The following NAAA variants were observed in gnomAD, a reference collection of about 807,000 sequenced individuals.
NAAA encodes N-acylethanolamine acid amidase, also known as N-acylethanolamine-hydrolyzing acid amidase.
NAAA carries 39 observed loss-of-function variants against 44.8 expected under a neutral mutation model. The ratio of observed to expected loss-of-function variants is 0.87; its 90% CI spans 0.67 to 1.14. The LOEUF (loss-of-function observed/expected upper bound fraction) is 1.14. Among genes scored for constraint, NAAA ranks in the 50% most tolerant of loss-of-function variants. The pLI, the probability that NAAA is intolerant of heterozygous loss-of-function variation, is 0.00. For missense variants in NAAA, 460 were observed against 467.8 expected (o/e 0.98, Z 0.15); for synonymous variants, 178 against 191.3 (o/e 0.93, Z 0.58).
chr4:75,934,482 A>AT (rs373578792), intron 3 of NAAA, among the ~76,000 whole-genome samples: 44,817 of 135,350 alleles, frequency 0.33, 8,319 homozygotes, highest in South Asian at 0.42. Context: ...CGCCCAGCTA[A>AT]TTTTTTTTTT....
intron 5 of NAAA, among the ~76,000 whole-genome samples, chr4:75,921,844 C>T (rs1447542995): frequency 6.6e-6 from 1 of 152,156 alleles, no homozygotes; most frequent in East Asian, 1.9e-4. Context: ...GCGCCCTGAG[C>T]TTAACTGGTG....
downstream of NAAA, among the ~76,000 whole-genome samples, chr4:75,913,387 G>A (rs1725409318): frequency 6.6e-6 from 1 of 151,892 alleles, no homozygotes; most frequent in Non-Finnish European, 1.5e-5. Flanking sequence ...CTTTTTCCCG[G>A]GCACATCCTT....
chr4:75,921,936 A>G (rs1176255769), intron 5 of NAAA, among the ~76,000 whole-genome samples: 1 of 152,188 alleles, frequency 6.6e-6, no homozygotes, highest in African/African-American at 2.4e-5. Context: ...AAATCTTCAG[A>G]TTCCATATGG....
rs1414965302 is a variant in NAAA, at chr4:75,914,009, C to T, written c.*366G>A. 2.0e-6 allele frequency: 2 copies of T among 985,270 alleles called. No homozygotes were observed. Among genetic ancestry groups the T allele is most frequent in the Non-Finnish European group, 1.2e-6 (1 of 829,920 alleles). The allele number at this position is 985,270 out of a possible 1,614,324, so 61.0% of individuals were successfully genotyped here. On this transcript the variant is annotated 3_prime_UTR_variant, in exon 11 of 11. Transcript: ENST00000286733. Reference sequence around the variant, plus strand: ...AGGTCTTGCCAGCTCATTTCATTAGCGGAGAAGCAAAGGTATGATGGCAGA... The same window carrying T: ...AGGTCTTGCCAGCTCATTTCATTAGTGGAGAAGCAAAGGTATGATGGCAGA...
intron 7 of NAAA, 124 bp from the exon 8 acceptor site, chr4:75,920,099 C>G (rs1726009798): frequency 3.3e-6 from 3 of 918,520 alleles, no homozygotes; most frequent in Non-Finnish European, 5.2e-6. Flanking sequence ...AAAACAGATT[C>G]TGGCCCCAAG....
At chr4:75,920,174 C>T (rs1182214587) in intron 7 of NAAA, among the ~76,000 whole-genome samples, 199 bp from the exon 8 acceptor site, 1 of 152,224 alleles carries the variant, frequency 6.6e-6, no homozygotes, top group Non-Finnish European at 1.5e-5. Flanking sequence ...ACGGTTGGCA[C>T]CATCTGCTCC....
intron 3 of NAAA, 113 bp downstream of exon 3, chr4:75,935,996 T>C (rs79966235): frequency 2.6e-5 from 21 of 801,308 alleles, no homozygotes; most frequent in South Asian, 5.9e-5. Flanking sequence ...AGGGGTGTGA[T>C]TTTTTTGTGT....
intron 5 of NAAA, among the ~76,000 whole-genome samples, chr4:75,923,537 C>CT (rs1474702990): frequency 4.0e-5 from 6 of 151,202 alleles, no homozygotes; most frequent in African/African-American, 1.5e-4. Flanking sequence ...ATCTTCCCTT[C>CT]TTTTTTCTTT....
intron 8 of NAAA, chr4:75,919,298 T>TC (rs1387796392): frequency 6.4e-6 from 1 of 157,322 alleles, no homozygotes; most frequent in Non-Finnish European, 1.4e-5. Flanking sequence ...TGCCTTGACC[T>TC]CCCAAAGTGC....
At chr4:75,914,360 C>T (rs1725467634) in intron 10 of NAAA, 22 bp from the exon 11 acceptor site, 2 of 939,568 alleles carry the variant, frequency 2.1e-6, no homozygotes, top group African/African-American at 3.6e-5. Context: ...GAAAAAAACG[C>T]ATTTAATTCA....
At chr4:75,923,816 G>A (rs376378373) in intron 5 of NAAA, among the ~76,000 whole-genome samples, 30 of 152,134 alleles carry the variant, frequency 2.0e-4, no homozygotes, top group African/African-American at 7.0e-4. Context: ...GGGATTACAG[G>A]TGTGAGCCAC....
At chr4:75,930,003 C>T (rs943732716) in intron 4 of NAAA, among the ~76,000 whole-genome samples, 2 of 152,014 alleles carry the variant, frequency 1.3e-5, no homozygotes, top group Admixed American at 6.6e-5. Flanking sequence ...GCATGAGAAT[C>T]GGCTGAGCCC....
downstream of NAAA, among the ~76,000 whole-genome samples, chr4:75,912,860 A>T (rs902915173): frequency 2.0e-5 from 3 of 152,160 alleles, no homozygotes; most frequent in African/African-American, 7.2e-5. Flanking sequence ...ACTACTTCTC[A>T]TATTTGATTT....
chr4:75,925,774 C>T lies in NAAA; in HGVS notation c.627G>A (p.Leu209=). Residue 209 remains leucine (L), a synonymous_variant, in exon 5 of 11, where the codon CTG becomes CTA. Transcript: ENST00000286733. The part of the protein sequence containing the change: ...GWWWENAIAA[L]FRRHIPVSWL... ...AGCTGACGGGAATGTGTCTCCGAAA[C>T]AGGGCAGCGATAGCATTCTCCCACC... is the stretch of plus-strand genomic sequence containing the variant. 1 of 1,614,138 alleles carries T rather than the reference C, an allele frequency of 6.2e-7. No homozygotes were observed. The highest frequency in any genetic ancestry group is 1.6e-4 in the Middle Eastern group (1 of 6,062).
chr4:75,931,566 C>T (rs778259812), intron 3 of NAAA, among the ~76,000 whole-genome samples: 13 of 152,122 alleles, frequency 8.5e-5, no homozygotes, highest in Admixed American at 2.0e-4. Flanking sequence ...TAACCTCTAA[C>T]TGAAATTTAA....
intron 2 of NAAA, chr4:75,939,778 A>G (rs895329036): frequency 3.6e-6 from 2 of 549,496 alleles, no homozygotes; most frequent in South Asian, 2.3e-5. Flanking sequence ...GGCTACACGT[A>G]GAGGGAAAGT....
At chr4:75,920,526 C>T (rs1217248425) in intron 7 of NAAA, among the ~76,000 whole-genome samples, 1 of 152,146 alleles carries the variant, frequency 6.6e-6, no homozygotes, top group East Asian at 1.9e-4. Context: ...ACCCTGACAG[C>T]CTCCCAACAC....
Position 75,925,805 on chromosome 4 carries a change from C to A in NAAA, c.596G>T (p.Gly199Val). The A allele has an allele frequency of 1.2e-6, 2 of 1,614,102 alleles. No homozygotes were observed. The highest frequency in any genetic ancestry group is 1.7e-6 in the Non-Finnish European group (2 of 1,180,008). ...FTVSGDERDKGWWWENAIAAL... is the reference protein window; with the variant it reads ...FTVSGDERDKVWWWENAIAAL... ...AGCGATAGCATTCTCCCACCACCAGCCTTTATCTGCCAAGTTGAGTATATA... is the reference window on the plus strand; with the variant it reads ...AGCGATAGCATTCTCCCACCACCAGACTTTATCTGCCAAGTTGAGTATATA... Residue 199 changes from glycine to valine, a missense_variant, in exon 5 of 11, where the codon GGC becomes GTC. Physicochemically the swap from Gly to Val is moderately radical, Grantham distance 109 (BLOSUM62 -3). Coordinates refer to ENST00000286733, the MANE Select transcript of NAAA (RefSeq NM_014435.4).
intron 5 of NAAA, among the ~76,000 whole-genome samples, chr4:75,921,689 C>T (rs766488119): frequency 7.9e-5 from 12 of 152,260 alleles, no homozygotes; most frequent in African/African-American, 2.4e-4. Flanking sequence ...TGGGAAGCAT[C>T]GCATGAATTG....
Sources: allele counts gnomAD v4.1 joint callset (sites outside exome capture counted in the v4.1 genomes callset), GRCh38; gene constraint gnomAD v4.1.1; transcripts MANE v1.5; gene names NCBI Gene and HGNC (gene_info 2026-07-23, HGNC 2026-07-21).